The following NTM variants were observed in gnomAD, a reference collection of about 807,000 sequenced individuals.
NTM encodes neurotrimin, also known as IgLON family member 2.
Under a neutral mutation model 42.1 loss-of-function variants are expected in NTM, and 13 were observed. That is an observed-to-expected ratio of 0.31 (90% CI 0.20 to 0.49). The LOEUF (loss-of-function observed/expected upper bound fraction) is 0.49. Ranked by LOEUF, NTM falls within the 20% of genes least tolerant of loss-of-function variation. The pLI, the probability that NTM is intolerant of heterozygous loss-of-function variation, is 0.99. For synonymous variants in NTM, 187 were observed against 179.2 expected, an observed-to-expected ratio of 1.04 and a Z score of -0.35; for missense variants, 373 against 452.8, an observed-to-expected ratio of 0.82 and a Z score of 1.60.
chr11:131,791,260 C>T (rs2136145321), intron 1 of NTM, among the ~76,000 whole-genome samples: 1 of 152,288 alleles, frequency 6.6e-6, no homozygotes, highest in East Asian at 1.9e-4. Flanking sequence ...CTCCCAACAT[C>T]AAGATGAATA....
chr11:132,295,666 GT>G (rs1374480391), intron 4 of NTM, among the ~76,000 whole-genome samples: 1 of 152,152 alleles, frequency 6.6e-6, no homozygotes, highest in Non-Finnish European at 1.5e-5. Context: ...AATGCCTCGT[GT>G]TTTAGGAACT....
At chr11:131,453,943 G>C (rs2136063921) in intron 1 of NTM, among the ~76,000 whole-genome samples, 1 of 152,312 alleles carries the variant, frequency 6.6e-6, no homozygotes, top group Non-Finnish European at 1.5e-5. Context: ...GGCTGAACCT[G>C]TCTCCCGTGC....
intron 4 of NTM, among the ~76,000 whole-genome samples, chr11:132,261,350 G>A (rs1468369295): frequency 6.6e-6 from 1 of 152,176 alleles, no homozygotes; most frequent in African/African-American, 2.4e-5. Flanking sequence ...GTACTGCATG[G>A]GAATCGCTGG....
chr11:131,533,063 G>A (rs1443265951), intron 1 of NTM, among the ~76,000 whole-genome samples: 3 of 152,008 alleles, frequency 2.0e-5, no homozygotes, highest in Non-Finnish European at 4.4e-5. Context: ...ATGTGAGACT[G>A]AAAAAAATAT....
chr11:132,065,250 C>T (rs762445992), intron 2 of NTM, among the ~76,000 whole-genome samples: 6 of 151,244 alleles, frequency 4.0e-5, no homozygotes, highest in Non-Finnish European at 8.9e-5. Flanking sequence ...TCTGGAACAT[C>T]CGTGCATAAT....
At chr11:132,004,628 TCTCTCTCA>T (rs1348268253) in intron 2 of NTM, among the ~76,000 whole-genome samples, 11 of 150,400 alleles carry the variant, frequency 7.3e-5, no homozygotes, top group African/African-American at 2.5e-4. Flanking sequence ...TCTCTCTCTC[TCTCTCTCA>T]CACACACACA....
At chr11:131,986,818 T>C (rs1023749099) in intron 2 of NTM, among the ~76,000 whole-genome samples, 3 of 152,172 alleles carry the variant, frequency 2.0e-5, no homozygotes, top group Non-Finnish European at 2.9e-5. Context: ...TAAGTATTCA[T>C]TGAATGAAAA....
chr11:131,748,554 C>A (rs1258754715), intron 1 of NTM, among the ~76,000 whole-genome samples: 1 of 152,178 alleles, frequency 6.6e-6, no homozygotes, highest in African/African-American at 2.4e-5. Flanking sequence ...CCATGACCTG[C>A]CCCCTCCTCC....
rs74494284 is a variant in NTM, at chr11:131,625,449, A to G, written c.82+254561A>G. Among the ~76,000 whole-genome samples the G allele has an allele frequency of 1.1e-4, 16 of 152,314 alleles. No individual in the cohort carries two copies. The East Asian group carries it at 3.1e-3, about 29-fold the overall frequency. ...TCTTGGGATTAATAGAAATTAGTCC[A>G]CTGGAGACTTCTTAGAGAAAGAAAA... is the stretch of plus-strand genomic sequence containing the variant. On this transcript the variant is annotated intron_variant, in intron 1 of 8. Coordinates refer to ENST00000683400, the MANE Select transcript of NTM (RefSeq NM_001352005.2).
intron 7 of NTM, among the ~76,000 whole-genome samples, chr11:132,320,053 G>T (rs1244236927): frequency 6.6e-6 from 1 of 152,210 alleles, no homozygotes; most frequent in Admixed American, 6.5e-5. Flanking sequence ...GCAGATGAGG[G>T]TCCTGTCTGT....
At chr11:131,902,093 C>G (rs2053244862) in intron 1 of NTM, among the ~76,000 whole-genome samples, 1 of 152,124 alleles carries the variant, frequency 6.6e-6, no homozygotes, top group Non-Finnish European at 1.5e-5. Context: ...ACAGGTGGAC[C>G]AACAAGGTGA....
chr11:131,611,688 G>A (rs2061478845), intron 1 of NTM, among the ~76,000 whole-genome samples: 1 of 152,210 alleles, frequency 6.6e-6, no homozygotes, highest in Non-Finnish European at 1.5e-5. Flanking sequence ...AGAAAGTAGA[G>A]GCATTAGGAA....
At chr11:132,180,100 A>G (rs114180074) in intron 3 of NTM, among the ~76,000 whole-genome samples, 2,702 of 152,314 alleles carry the variant, frequency 0.018, 84 homozygotes, top group African/African-American at 0.061. Context: ...AATATACAAA[A>G]GGGATTGATT....
intron 1 of NTM, among the ~76,000 whole-genome samples, chr11:131,824,315 A>G (rs956616473): frequency 2.2e-4 from 33 of 152,288 alleles, no homozygotes; most frequent in African/African-American, 7.7e-4. Flanking sequence ...CAACTTCTAC[A>G]TAATTTGGCT....
intron 2 of NTM, among the ~76,000 whole-genome samples, chr11:132,073,643 A>C: frequency 6.6e-6 from 1 of 152,142 alleles, no homozygotes; most frequent in South Asian, 2.1e-4. Flanking sequence ...TCACCAAACT[A>C]ACCATTATGG....
chr11:131,944,873 G>C (rs1438524727), intron 2 of NTM, among the ~76,000 whole-genome samples: 2 of 152,308 alleles, frequency 1.3e-5, no homozygotes, highest in African/African-American at 4.8e-5. Flanking sequence ...TCCTGGGATA[G>C]AACAGGATTA....
chr11:132,226,773 T>C (rs1182373160), intron 4 of NTM, among the ~76,000 whole-genome samples: 1 of 152,174 alleles, frequency 6.6e-6, no homozygotes, highest in Non-Finnish European at 1.5e-5. Flanking sequence ...TAAGAGTATG[T>C]TAATCTGGAA....
At chr11:132,030,061 A>T (rs1819303628) in intron 2 of NTM, among the ~76,000 whole-genome samples, 1 of 152,162 alleles carries the variant, frequency 6.6e-6, no homozygotes. Context: ...CATGGAGATT[A>T]TCATTTGTCT....
chr11:131,635,556 T>A (rs1200951201), intron 1 of NTM, among the ~76,000 whole-genome samples: 2 of 152,008 alleles, frequency 1.3e-5, no homozygotes, highest in Admixed American at 6.6e-5. Flanking sequence ...TATAAAAGAG[T>A]TTAAAAGTTT....
Sources: gnomAD v4.1 joint callset for allele counts (sites outside exome capture counted in the v4.1 genomes callset) on GRCh38, gnomAD v4.1.1 for gene constraint, MANE v1.5 for transcripts, NCBI Gene and HGNC (gene_info 2026-07-23, HGNC 2026-07-21) for gene names.